ENPP1: variants seen among roughly 807,000 people sequenced by gnomAD.
ENPP1 encodes the protein ectonucleotide pyrophosphatase/phosphodiesterase 1.
A neutral mutation model predicts 122.8 loss-of-function variants in ENPP1; 73 were observed. That is an observed-to-expected ratio of 0.59 (90% CI 0.49 to 0.72). ENPP1 has a LOEUF of 0.72. Ranked by LOEUF, ENPP1 falls within the 30% of genes least tolerant of loss-of-function variation. The pLI, the probability that ENPP1 is intolerant of heterozygous loss-of-function variation, is 0.00. For missense variants in ENPP1, 978 were observed against 1,128.1 expected, an observed-to-expected ratio of 0.87 and a Z score of 1.91; for synonymous variants, 367 against 391.6, an observed-to-expected ratio of 0.94 and a Z score of 0.74.
chr6:131,872,316 A>C (rs1272141936), intron 14 of ENPP1, among the ~76,000 whole-genome samples: 1 of 152,202 alleles, frequency 6.6e-6, no homozygotes, highest in Non-Finnish European at 1.5e-5. Context: ...TTGGCATTAT[A>C]AAATTTATAT....
chr6:131,879,297 G>A (rs1286602247), intron 19 of ENPP1, among the ~76,000 whole-genome samples: 1 of 152,108 alleles, frequency 6.6e-6, no homozygotes, highest in Non-Finnish European at 1.5e-5. Context: ...ATGAGCTTAG[G>A]TACTATATGT....
chr6:131,880,841 C>T (rs1035134043), intron 20 of ENPP1, among the ~76,000 whole-genome samples: 2 of 152,018 alleles, frequency 1.3e-5, no homozygotes, highest in Non-Finnish European at 2.9e-5. Context: ...AGGGAGAGGC[C>T]AGAATCCTGC....
intron 1 of ENPP1, among the ~76,000 whole-genome samples, chr6:131,812,165 A>G (rs578135176): frequency 6.6e-6 from 1 of 152,354 alleles, no homozygotes; most frequent in African/African-American, 2.4e-5. Context: ...GACTTTAGAC[A>G]TCTAGAAATA....
chr6:131,890,537 G>T lies in ENPP1; in HGVS notation c.*26G>T, dbSNP rs1782455577. On this transcript the variant is annotated 3_prime_UTR_variant, in exon 25 of 25. Transcript: ENST00000647893. ...TATGTTTTTTATCCCCAAACACCAT[G>T]AATCTTTTTGAGAGAACCTTATATT... 4 of 1,582,598 alleles carry T rather than the reference G, an allele frequency of 2.5e-6. No individual in the cohort carries two copies. Among genetic ancestry groups the T allele is most frequent in the Non-Finnish European group, 3.5e-6 (4 of 1,151,522 alleles).
chr6:131,847,721 A>C, intron 1 of ENPP1, 55 bp from the exon 2 acceptor site: 1 of 1,242,414 alleles, frequency 8.0e-7, no homozygotes, highest in Admixed American at 1.8e-5. Context: ...ATAAAAAATA[A>C]GATAAAATAT....
At chr6:131,885,248 G>A (rs148948371) in intron 23 of ENPP1, among the ~76,000 whole-genome samples, 185 bp downstream of exon 23, 86 of 152,304 alleles carry the variant, frequency 5.6e-4, no homozygotes, top group African/African-American at 1.9e-3. Context: ...TCAATGTTCA[G>A]TAAAATATTT....
chr6:131,871,651 A>G (rs1257108176), intron 13 of ENPP1, among the ~76,000 whole-genome samples: 1 of 152,216 alleles, frequency 6.6e-6, no homozygotes, highest in Non-Finnish European at 1.5e-5. Context: ...TACAAAACAC[A>G]TACAGTTTTT....
intron 1 of ENPP1, among the ~76,000 whole-genome samples, chr6:131,830,345 G>A (rs1781595466): frequency 6.6e-6 from 1 of 152,136 alleles, no homozygotes; most frequent in Non-Finnish European, 1.5e-5. Context: ...GGTCCAGGAG[G>A]GGGCAAGCTG....
intron 2 of ENPP1, among the ~76,000 whole-genome samples, chr6:131,848,160 A>G (rs554627643): frequency 1.3e-4 from 20 of 152,242 alleles, no homozygotes; most frequent in African/African-American, 4.3e-4. Context: ...TTAGTTGCTG[A>G]AGCAACCCTG....
In ENPP1 at chr6:131,861,666, T is replaced by C; in HGVS notation, c.987T>C (p.Ile329=). The stretch of plus-strand genomic sequence containing the variant: ...TCTGGCCAGGATCAGATGTGGAAAT[T>C]AACGGAATTTTCCCAGACATCTATA... ...TFFWPGSDVE[I]NGIFPDIYKM... is the part of the protein sequence containing the mutation. The change falls in exon 9 of 25, where the codon ATT becomes ATC. Residue 329 remains isoleucine (I), a synonymous_variant. Transcript: ENST00000647893. 1 of 1,613,296 alleles carries C rather than the reference T, an allele frequency of 6.2e-7. No individual in the cohort carries two copies. Among genetic ancestry groups the C allele is most frequent in the Non-Finnish European group, 8.5e-7 (1 of 1,179,288 alleles).
At chr6:131,828,338 C>A (rs547236191) in intron 1 of ENPP1, 1 of 432,260 alleles carries the variant, frequency 2.3e-6, no homozygotes, top group South Asian at 2.2e-5. Flanking sequence ...CAGAAGACAT[C>A]CTACCATGAT....
At chr6:131,863,750 C>CAAA (rs56823244) in intron 9 of ENPP1, among the ~76,000 whole-genome samples, 2 of 109,862 alleles carry the variant, frequency 1.8e-5, no homozygotes, top group Non-Finnish European at 3.9e-5. Context: ...TACTAAAATA[C>CAAA]AAAAAAAAAA....
chr6:131,844,179 T>G (rs1413904591), intron 1 of ENPP1, among the ~76,000 whole-genome samples: 1 of 152,244 alleles, frequency 6.6e-6, no homozygotes, highest in African/African-American at 2.4e-5. Context: ...GACAACTATT[T>G]TGGCCACTTG....
chr6:131,874,664 C>A (rs150912608), intron 16 of ENPP1, among the ~76,000 whole-genome samples: 76 of 152,096 alleles, frequency 5.0e-4, no homozygotes, highest in Non-Finnish European at 1.0e-3. Flanking sequence ...GAAACTACCC[C>A]TAATCTAGCA....
chr6:131,893,949 C>CTTTTTTTTTT lies in ENPP1; in HGVS notation c.*3459_*3468dup, dbSNP rs564304453. Reference sequence around the variant, plus strand: ...GTGAAACCTTTATTTATCTTGATTTCTTTTTTTTTTTTTTTTTTTTTTTTT... The same window carrying CTTTTTTTTTT: ...GTGAAACCTTTATTTATCTTGATTTCTTTTTTTTTTTTTTTTTTTTTTTTTTTTTTTTTTT... On this transcript the variant is annotated 3_prime_UTR_variant, in exon 25 of 25. Coordinates refer to ENST00000647893, the MANE Select transcript of ENPP1 (RefSeq NM_006208.3). 8.6e-4 allele frequency: 51 copies of CTTTTTTTTTT among 59,500 alleles called. 1 individual carries two copies. The highest frequency in any genetic ancestry group is 3.0e-3 in the East Asian group (5 of 1,690). The allele number at this position is 59,500 out of a possible 1,614,324, so 3.7% of individuals were successfully genotyped here.
At position 131,888,235 on chromosome 6, in the gene ENPP1, C is replaced by CTTT. The variant is rs58493790; in HGVS notation, c.2607+1524_2607+1526dup. 1.5e-3 allele frequency among the ~76,000 whole-genome samples: 208 copies of CTTT among 139,488 alleles called. 1 individual carries two copies. The highest frequency in any genetic ancestry group is 7.2e-3 in the Middle Eastern group (2 of 276). The allele number at this position is 139,488 out of a possible 152,430, so 91.5% of individuals were successfully genotyped here. On this transcript the variant is annotated intron_variant, in intron 24 of 24. Transcript: ENST00000647893. Reference sequence around the variant, plus strand: ...TCTTTCAGAGTACTTCCTACATTTCCTTTTTTTTTTTTTTTCATTGAAGTG... The same window carrying CTTT: ...TCTTTCAGAGTACTTCCTACATTTCCTTTTTTTTTTTTTTTTTTCATTGAAGTG...
chr6:131,837,172 T>TTGTG (rs67550562), intron 1 of ENPP1, among the ~76,000 whole-genome samples: 10,076 of 135,904 alleles, frequency 0.074, 414 homozygotes, highest in African/African-American at 0.12. Context: ...CCTGTTGTCA[T>TTGTG]TGTGTGTGTG....
chr6:131,850,254 T>C (rs1356350255), intron 3 of ENPP1, 148 bp downstream of exon 3: 1 of 676,524 alleles, frequency 1.5e-6, no homozygotes, highest in African/African-American at 1.8e-5. Context: ...AGCTTTTATA[T>C]TTTCTTTCAA....
chr6:131,840,833 T>C (rs573194985), intron 1 of ENPP1, among the ~76,000 whole-genome samples: 3 of 152,312 alleles, frequency 2.0e-5, no homozygotes, highest in East Asian at 1.9e-4. Flanking sequence ...AAGGTGGAAT[T>C]TGAACCAAAG....
Sources: allele counts gnomAD v4.1 joint callset (sites outside exome capture counted in the v4.1 genomes callset), GRCh38; gene constraint gnomAD v4.1.1; transcripts MANE v1.5; gene names NCBI Gene and HGNC (gene_info 2026-07-23, HGNC 2026-07-21).